Variants in MAP3K6 observed in about 807,000 individuals in gnomAD.
MAP3K6 encodes mitogen-activated protein kinase kinase kinase 6.
MAP3K6 carries 105 observed loss-of-function variants against 147.1 expected under a neutral mutation model. The ratio of observed to expected loss-of-function variants is 0.71; its 90% CI spans 0.61 to 0.84. MAP3K6 has a LOEUF of 0.84. Among genes scored for constraint, MAP3K6 ranks in the 40% least tolerant of loss-of-function variants. MAP3K6 has a pLI of 0.00. For missense variants in MAP3K6, 1,569 were observed against 1,715.0 expected (o/e 0.91, Z 1.50); for synonymous variants, 695 against 732.4 (o/e 0.95, Z 0.82).
chr1:27,363,508 G>T lies in MAP3K6; in HGVS notation c.905C>A (p.Ala302Asp), dbSNP rs779367921. ...CTCGGCCACATCACAGGTGGGCAAG[G>T]CCTGCAGCGTCTCCACCAGCTCAAT... ...AIIELVETLQ[A>D]LPTCDVAEQH... The change falls in exon 6 of 29, where the codon GCC becomes GAC. Residue 302 changes from alanine to aspartate, a missense_variant. Physicochemically the swap from Ala to Asp is moderately radical, Grantham distance 126 (BLOSUM62 -2). Coordinates refer to ENST00000357582, the MANE Select transcript of MAP3K6 (RefSeq NM_004672.5). 1.8e-5 allele frequency: 29 copies of T among 1,613,438 alleles called. No homozygotes were observed. Among genetic ancestry groups the T allele is most frequent in the Admixed American group, 3.3e-5 (2 of 59,930 alleles).
Position 27,358,431 on chromosome 1 carries a change from G to C in MAP3K6, c.2764C>G (p.Pro922Ala). 3 of 1,592,340 alleles carry C rather than the reference G, an allele frequency of 1.9e-6. No homozygotes were observed. The highest frequency in any genetic ancestry group is 2.6e-6 in the Non-Finnish European group (3 of 1,173,342). ...CACCCGCAAGCACCTGAGGGCCGTG[G>C]AGCATGTCGTGGGGAGCTGGGGCTG... Reference protein sequence around the residue: ...SRSPSSPRHAPRPSDAPSASP... With the variant: ...SRSPSSPRHAARPSDAPSASP... The change falls in exon 20 of 29, where the codon CCA becomes GCA. Residue 922 changes from proline (P) to alanine (A), a missense_variant. By Grantham distance (27) the Pro-to-Ala change is conservative (BLOSUM62 -1). Coordinates refer to ENST00000357582, the MANE Select transcript of MAP3K6 (RefSeq NM_004672.5). This position sits in a 1 kb window ranked among gnomAD's most constrained non-coding sequence, Gnocchi z 6.2.
Position 27,360,231 on chromosome 1 carries a change from G to A in MAP3K6, c.2182+10C>T, listed in dbSNP as rs778667615. 5 of 1,613,798 alleles carry A rather than the reference G, an allele frequency of 3.1e-6. No individual in the cohort carries two copies. Among genetic ancestry groups the A allele is most frequent in the Non-Finnish European group, 4.2e-6 (5 of 1,179,844 alleles). On this transcript the variant is annotated intron_variant, in intron 16 of 28. Coordinates refer to ENST00000357582, the MANE Select transcript of MAP3K6 (RefSeq NM_004672.5). The surrounding 1 kb of genome is among the most constrained non-coding windows in gnomAD (Gnocchi z 4.5). ...CTCGGTTTCATTCCCATCCCACACA[G>A]GGCAGGTACCTCCAGGCACTTCCTC...
Position 27,360,973 on chromosome 1 carries a change from G to C in MAP3K6, c.1868C>G (p.Pro623Arg). The change falls in exon 14 of 29, where the codon CCG (proline) becomes CGG (arginine). Residue 623 changes from proline (P) to arginine (R), a missense_variant. Coordinates refer to ENST00000357582, the MANE Select transcript of MAP3K6 (RefSeq NM_004672.5). This position sits in a 1 kb window ranked among gnomAD's most constrained non-coding sequence, Gnocchi z 4.5. ...CTCCTCCGCGGGCGCCGTGGAATCC[G>C]GGTTCGTCACCCAGGCCTGGATCAG... ...CGLIQAWVTNPDSTAPAEEAE... is the reference protein window; with the variant it reads ...CGLIQAWVTNRDSTAPAEEAE... The C allele has an allele frequency of 6.2e-7, 1 of 1,607,186 alleles. No individual in the cohort carries two copies. The highest frequency in any genetic ancestry group is 8.5e-7 in the Non-Finnish European group (1 of 1,176,776).
At chr1:27,357,939 C>CG in intron 21 of MAP3K6, 63 bp from the exon 22 acceptor site, 1 of 1,507,218 alleles carries the variant, frequency 6.6e-7, no homozygotes, top group Non-Finnish European at 8.8e-7. Flanking sequence ...CCTCTGTTGC[C>CG]GGGTTTGAAT....
chr1:27,361,502 C>A lies in MAP3K6; in HGVS notation c.1686+18G>T. 6.2e-7 allele frequency: 1 copy of A among 1,613,550 alleles called. No individual in the cohort carries two copies. Among genetic ancestry groups the A allele is most frequent in the Non-Finnish European group, 8.5e-7 (1 of 1,179,650 alleles). On this transcript the variant is annotated intron_variant, in intron 11 of 28. Transcript: ENST00000357582. ...GGTCCTAGCAAAGGTGAGTGAGGGG[C>A]CTCAGCAGCGACTTCACCTGGGTCT... is the stretch of plus-strand genomic sequence containing the variant.
Position 27,355,708 on chromosome 1 carries a change from G to T in MAP3K6, c.3749C>A (p.Thr1250Asn). ...GATGAGGTCATCTCGAGTGGCATAG[G>T]TGAGCAGAGTGTGGAGGGTGAAGCT... ...NHSFTLHTLL[T>N]YATRDDLIYT... Residue 1250 changes from threonine (T) to asparagine (N), a missense_variant, in exon 28 of 29, where the codon ACC becomes AAC. Transcript: ENST00000357582. The T allele has an allele frequency of 6.2e-7, 1 of 1,611,986 alleles. No homozygotes were observed. Among genetic ancestry groups the T allele is most frequent in the East Asian group, 2.2e-5 (1 of 44,754 alleles).
chr1:27,357,343 CA>C (rs2015564969), intron 23 of MAP3K6, 56 bp downstream of exon 23: 12 of 1,549,144 alleles, frequency 7.7e-6, no homozygotes, highest in Middle Eastern at 1.7e-4. Flanking sequence ...CCTCACCAGG[CA>C]CGGGGAACTC....
rs2015789111 is a variant in MAP3K6, at chr1:27,361,874, G to T, written c.1416-7C>A. 3 of 1,535,470 alleles carry T rather than the reference G, an allele frequency of 2.0e-6. No homozygotes were observed. Among genetic ancestry groups the T allele is most frequent in the Non-Finnish European group, 2.6e-6 (3 of 1,138,356 alleles). ...CATCACGGACACCAGGTACCTGCAT[G>T]CAAAGCCACATCCTCAGTTCAGCCC... On this transcript the variant is annotated splice_region_variant and splice_polypyrimidine_tract_variant and intron_variant, in intron 9 of 28. Coordinates refer to ENST00000357582, the MANE Select transcript of MAP3K6 (RefSeq NM_004672.5).
intron 6 of MAP3K6, 68 bp from the exon 7 acceptor site, chr1:27,363,089 A>C (rs2015844247): frequency 1.4e-6 from 2 of 1,438,870 alleles, no homozygotes; most frequent in East Asian, 4.8e-5. Flanking sequence ...ACCTCTAGAC[A>C]CTGAACCAGC....
At chr1:27,357,212 G>T (rs996441862) in intron 23 of MAP3K6, 98 bp from the exon 24 acceptor site, 2 of 1,285,932 alleles carry the variant, frequency 1.6e-6, no homozygotes, top group South Asian at 1.3e-5. Flanking sequence ...GGAGGCGAGT[G>T]GGGTGGGCGG....
Position 27,356,728 on chromosome 1 carries a change from G to A in MAP3K6, c.3386C>T (p.Ser1129Leu), listed in dbSNP as rs1389540786. Residue 1129 changes from serine to leucine, a missense_variant, in exon 25 of 29, where the codon TCA becomes TTA. By Grantham distance (145) the Ser-to-Leu change is moderately radical (BLOSUM62 -2). Coordinates refer to ENST00000357582, the MANE Select transcript of MAP3K6 (RefSeq NM_004672.5). ...ATTACTCAGCTCCTCTGACCTCGGT[G>A]AGACCGCCTCCTTCTCCACCTCTGC... is the stretch of plus-strand genomic sequence containing the variant. ...LGPEVEKEAV[S>L]PRSEELSNEG... is the part of the protein sequence containing the mutation. 6.3e-7 allele frequency: 1 copy of A among 1,577,166 alleles called. No homozygotes were observed. Among genetic ancestry groups the A allele is most frequent in the Non-Finnish European group, 8.6e-7 (1 of 1,161,112 alleles).
Position 27,356,766 on chromosome 1 carries a change from T to C in MAP3K6, c.3365-17A>G, listed in dbSNP as rs1382168141. 14 of 1,537,926 alleles carry C rather than the reference T, an allele frequency of 9.1e-6. 1 individual carries two copies. Among genetic ancestry groups the C allele is most frequent in the Non-Finnish European group, 1.1e-5 (12 of 1,142,326 alleles). ...TCTCCACCTCTGCAGCCCAGTGCGG[T>C]GAACTCAGGCAAGGCTACAACGCCC... On this transcript the variant is annotated splice_polypyrimidine_tract_variant and intron_variant, in intron 24 of 28. Transcript: ENST00000357582.
In MAP3K6 at chr1:27,357,445, A is replaced by G. The variant is rs1254611218; in HGVS notation, c.3213T>C (p.Leu1071=). ...ALQGRLRAQG[L]GPALLHRPLF... is the part of the protein sequence containing the mutation. Reference sequence around the variant, plus strand: ...GCGGTCTGTGCAGAAGCGCAGGCCCAAGGCCCTGGGCCCTCAGCCGTCCTT... The same window carrying G: ...GCGGTCTGTGCAGAAGCGCAGGCCCGAGGCCCTGGGCCCTCAGCCGTCCTT... Residue 1071 remains leucine, a synonymous_variant, in exon 23 of 29, where the codon CTT becomes CTC. Transcript: ENST00000357582. The G allele has an allele frequency of 6.2e-7, 1 of 1,613,072 alleles. No homozygotes were observed. The highest frequency in any genetic ancestry group is 1.3e-5 in the African/African-American group (1 of 75,000).
chr1:27,364,774 C>T lies in MAP3K6; in HGVS notation c.479G>A (p.Arg160Gln), dbSNP rs759155929. The change falls in exon 2 of 29, where the codon CGG becomes CAG. Residue 160 changes from arginine to glutamine, a missense_variant and splice_region_variant. Transcript: ENST00000357582. The surrounding 1 kb of genome is among the most constrained non-coding windows in gnomAD (Gnocchi z 4.4). ...CTCCACCAGCCCCAGGCCACCTACC[C>T]GCAGGGCCTGCAGGTCAGGGAGGTC... ...QADLPDLQAL[R>Q]EDVFQKNSDC... is the part of the protein sequence containing the mutation. The T allele has an allele frequency of 2.7e-5, 43 of 1,613,722 alleles. No individual in the cohort carries two copies. The highest frequency in any genetic ancestry group is 3.5e-5 in the Non-Finnish European group (41 of 1,179,638).
chr1:27,355,927 T>C, intron 27 of MAP3K6, 99 bp downstream of exon 27: 1 of 1,233,272 alleles, frequency 8.1e-7, no homozygotes, highest in Non-Finnish European at 1.2e-6. Flanking sequence ...GGTAGTGAGA[T>C]TCTCTGCATC....
chr1:27,364,757 GCCC>G lies in MAP3K6; in HGVS notation c.480+13_480+15del. 6.2e-7 allele frequency: 1 copy of G among 1,613,800 alleles called. No individual in the cohort carries two copies. The highest frequency in any genetic ancestry group is 1.7e-5 in the Admixed American group (1 of 60,024). On this transcript the variant is annotated intron_variant, in intron 2 of 28. Transcript: ENST00000357582. The surrounding 1 kb of genome is among the most constrained non-coding windows in gnomAD (Gnocchi z 4.4). Reference sequence around the variant, plus strand: ...CCCAGCCCTGTGCCTGCCTCCACCAGCCCCAGGCCACCTACCCGCAGGGCCTGC... The same window carrying G: ...CCCAGCCCTGTGCCTGCCTCCACCAGCAGGCCACCTACCCGCAGGGCCTGC...
At position 27,362,155 on chromosome 1, in the gene MAP3K6, C is replaced by A; in HGVS notation, c.1351G>T (p.Ala451Ser). Residue 451 changes from alanine (A) to serine (S), a missense_variant, in exon 9 of 29, where the codon GCC (alanine) becomes TCC (serine). By Grantham distance (99) the Ala-to-Ser change is moderately conservative. Transcript: ENST00000357582. Reference protein sequence around the residue: ...VGFYLGAQILANDPTQVVLAA... With the variant: ...VGFYLGAQILSNDPTQVVLAA... ...AGCACCACCTGGGTGGGGTCATTGG[C>A]GAGGATCTGGGCTCCCAGGTAGAAA... The A allele has an allele frequency of 6.2e-7, 1 of 1,613,692 alleles. No individual in the cohort carries two copies. Among genetic ancestry groups the A allele is most frequent in the East Asian group, 2.2e-5 (1 of 44,876 alleles).
At chr1:27,363,378 C>G (rs778196706) in intron 6 of MAP3K6, 64 bp downstream of exon 6, 2 of 1,372,502 alleles carry the variant, frequency 1.5e-6, no homozygotes, top group African/African-American at 1.4e-5. Context: ...TGGCTTTGCA[C>G]GCAGAGACCT....
chr1:27,366,278 A>C lies in MAP3K6; in HGVS notation c.320T>G (p.Leu107Arg), dbSNP rs759159403. The C allele has an allele frequency of 1.3e-5, 17 of 1,337,506 alleles. No homozygotes were observed. In the African/African-American group the frequency reaches 2.3e-4, roughly 18 times the overall value. The allele number at this position is 1,337,506 out of a possible 1,614,324, so 82.9% of individuals were successfully genotyped here. ...CTCACCCGCGTTGTAGAAGGCATCC[A>C]GAGCCGCGGTGTCGCCTAGCTCCAG... ...GTLELGDTAA[L>R]DAFYNADVVV... The change falls in exon 1 of 29, where the codon CTG (leucine) becomes CGG (arginine). Residue 107 changes from leucine to arginine, a missense_variant. Coordinates refer to ENST00000357582, the MANE Select transcript of MAP3K6 (RefSeq NM_004672.5). The surrounding 1 kb of genome is among the most constrained non-coding windows in gnomAD (Gnocchi z 5.5).
Sources: gnomAD v4.1 joint callset for allele counts on GRCh38, gnomAD v4.1.1 for gene constraint, Gnocchi (gnomAD v3.1) non-coding constraint, MANE v1.5 for transcripts, NCBI Gene and HGNC (gene_info 2026-07-23, HGNC 2026-07-21) for gene names.